The following GRID2 variants were observed in gnomAD, a reference collection of about 807,000 sequenced individuals.
GRID2 encodes glutamate ionotropic receptor delta type subunit 2.
In GRID2, 33 loss-of-function variants were observed where a neutral mutation model predicts 114.8. The ratio of observed to expected loss-of-function variants is 0.29; its 90% confidence interval spans 0.22 to 0.38. The LOEUF (loss-of-function observed/expected upper bound fraction) is 0.38, where lower values mean the gene tolerates loss of function less well. Among genes scored for constraint, GRID2 ranks in the 10% least tolerant of loss-of-function variants. The pLI, the probability that GRID2 is intolerant of heterozygous loss-of-function variation, is 1.00. For missense variants in GRID2, 1,184 were observed against 1,257.7 expected (o/e 0.94, Z 0.89); for synonymous variants, 505 against 449.9 (o/e 1.12, Z -1.55).
intron 13 of GRID2, among the ~76,000 whole-genome samples, chr4:93,604,048 C>A (rs757518437): frequency 7.9e-5 from 12 of 152,170 alleles, no homozygotes; most frequent in Non-Finnish European, 1.8e-4. Flanking sequence ...ACTTTTAAAT[C>A]TTATTATTTG....
At chr4:92,704,793 G>T (rs58445318) in intron 2 of GRID2, among the ~76,000 whole-genome samples, 35,659 of 139,386 alleles carry the variant, frequency 0.26, 4,744 homozygotes, top group East Asian at 0.42. Context: ...CCCTCTCTGG[G>T]GCCCTCCCCT....
At chr4:92,932,200 A>T (rs972453768) in intron 2 of GRID2, among the ~76,000 whole-genome samples, 7 of 151,436 alleles carry the variant, frequency 4.6e-5, no homozygotes, top group Admixed American at 6.6e-5. Context: ...TATTTAAACA[A>T]CTTTTATGAG....
intron 2 of GRID2, among the ~76,000 whole-genome samples, chr4:92,959,405 A>AT (rs749965402): frequency 1.4e-3 from 212 of 148,886 alleles, no homozygotes; most frequent in Non-Finnish European, 2.0e-3. Context: ...ATGTAGTTCA[A>AT]TTTTTTTTTT....
chr4:92,389,880 A>G (rs1730157646), intron 1 of GRID2, among the ~76,000 whole-genome samples: 1 of 152,070 alleles, frequency 6.6e-6, no homozygotes, highest in Non-Finnish European at 1.5e-5. Context: ...TGTGGGTAAG[A>G]ACACTGGACT....
intron 2 of GRID2, among the ~76,000 whole-genome samples, chr4:92,827,430 A>C (rs1741795708): frequency 6.6e-6 from 1 of 150,958 alleles, no homozygotes; most frequent in East Asian, 1.9e-4. Flanking sequence ...GGAGGGAGTC[A>C]ATTTTTGTTA....
intron 10 of GRID2, among the ~76,000 whole-genome samples, chr4:93,450,363 T>C (rs1325266734): frequency 6.6e-6 from 1 of 151,884 alleles, no homozygotes; most frequent in Admixed American, 6.6e-5. Flanking sequence ...AAAATTTTCA[T>C]CTTAGAAAAA....
intron 1 of GRID2, among the ~76,000 whole-genome samples, chr4:92,577,904 A>G (rs953317652): frequency 6.6e-6 from 1 of 152,098 alleles, no homozygotes; most frequent in African/African-American, 2.4e-5. Context: ...GGCGGTAAGC[A>G]AAGATGCCAG....
At chr4:92,871,098 G>A (rs552396364) in intron 2 of GRID2, among the ~76,000 whole-genome samples, 1 of 152,154 alleles carries the variant, frequency 6.6e-6, no homozygotes, top group South Asian at 2.1e-4. Flanking sequence ...TAGGTAAACA[G>A]AATGTTGGTA....
At chr4:93,681,973 T>C (rs1212355336) in intron 14 of GRID2, among the ~76,000 whole-genome samples, 1 of 151,114 alleles carries the variant, frequency 6.6e-6, no homozygotes, top group Non-Finnish European at 1.5e-5. Flanking sequence ...CAAAAGAAAC[T>C]ACCATCAGAG....
At chr4:92,410,991 A>G (rs1731271217) in intron 1 of GRID2, among the ~76,000 whole-genome samples, 1 of 152,088 alleles carries the variant, frequency 6.6e-6, no homozygotes, top group South Asian at 2.1e-4. Flanking sequence ...AACAGCAACA[A>G]TAAAAGCAGC....
chr4:92,480,150 T>C (rs1419157285), intron 1 of GRID2, among the ~76,000 whole-genome samples: 1 of 152,078 alleles, frequency 6.6e-6, no homozygotes, highest in Non-Finnish European at 1.5e-5. Flanking sequence ...TCTACTAAAA[T>C]GAATGTTTTA....
intron 1 of GRID2, among the ~76,000 whole-genome samples, chr4:92,311,985 G>T (rs77502491): frequency 0.012 from 1,807 of 151,892 alleles, 17 homozygotes; most frequent in Non-Finnish European, 0.02. Flanking sequence ...AGGGAATGAA[G>T]GGTGACAAAG....
chr4:92,641,100 A>T (rs1262077552), intron 2 of GRID2, among the ~76,000 whole-genome samples: 2 of 151,754 alleles, frequency 1.3e-5, no homozygotes, highest in African/African-American at 4.8e-5. Flanking sequence ...TCTGTGCCAC[A>T]TTTATTCCCA....
chr4:92,585,460 G>A (rs1297690284), intron 1 of GRID2, among the ~76,000 whole-genome samples: 4 of 151,956 alleles, frequency 2.6e-5, no homozygotes, highest in African/African-American at 7.2e-5. Context: ...GAAATCCAAC[G>A]AAATATTTAT....
At chr4:93,274,828 T>A (rs746095606) in intron 8 of GRID2, among the ~76,000 whole-genome samples, 5 of 152,036 alleles carry the variant, frequency 3.3e-5, no homozygotes, top group Non-Finnish European at 7.4e-5. Flanking sequence ...GTCTCTGAAT[T>A]TTTTTTGTTT....
intron 2 of GRID2, among the ~76,000 whole-genome samples, chr4:93,079,106 T>C (rs2149315405): frequency 6.6e-6 from 1 of 151,676 alleles, no homozygotes; most frequent in Middle Eastern, 3.4e-3. Flanking sequence ...AATGATAAAA[T>C]GTATGTGAAA....
intron 1 of GRID2, among the ~76,000 whole-genome samples, chr4:92,366,298 G>A (rs532417631): frequency 2.1e-4 from 32 of 152,126 alleles, no homozygotes; most frequent in African/African-American, 7.2e-4. Context: ...CTTGGAATCA[G>A]ATAGAATGGT....
intron 10 of GRID2, among the ~76,000 whole-genome samples, chr4:93,442,261 G>A (rs375425607): frequency 1.3e-5 from 2 of 151,908 alleles, no homozygotes; most frequent in African/African-American, 4.8e-5. Flanking sequence ...TTGCAGTTTG[G>A]GCATTTCAGT....
At chr4:93,290,992 C>G (rs1007197388) in intron 8 of GRID2, among the ~76,000 whole-genome samples, 7 of 150,918 alleles carry the variant, frequency 4.6e-5, no homozygotes, top group Admixed American at 1.3e-4. Flanking sequence ...ATTCTCCTGC[C>G]TCAGCCTCCT....
Sources: gnomAD v4.1 joint callset for allele counts (sites outside exome capture counted in the v4.1 genomes callset) on GRCh38, gnomAD v4.1.1 for gene constraint, MANE v1.5 for transcripts, NCBI Gene and HGNC (gene_info 2026-07-23, HGNC 2026-07-21) for gene names.